GPR107: variants seen among roughly 807,000 people sequenced by gnomAD.
GPR107 encodes the protein protein GPR107.
Under a neutral mutation model 75.5 loss-of-function variants are expected in GPR107, and 31 were observed. That is an observed-to-expected ratio of 0.41 (90% confidence interval 0.31 to 0.55). The LOEUF (loss-of-function observed/expected upper bound fraction) is 0.55, where lower values mean the gene tolerates loss of function less well. Among genes scored for constraint, GPR107 ranks in the 20% least tolerant of loss-of-function variants. GPR107 has a pLI of 0.26. For missense variants in GPR107, 572 were observed against 665.7 expected (o/e 0.86, Z 1.55); for synonymous variants, 267 against 251.3 (o/e 1.06, Z -0.59).
Position 130,104,481 on chromosome 9 carries a change from G to A in GPR107, c.1193G>A (p.Gly398Asp). Residue 398 changes from glycine (G) to aspartate (D), a missense_variant, in exon 13 of 18, where the codon GGC (glycine) becomes GAC (aspartate). Gly to Asp is a moderately conservative substitution (Grantham distance 94). Transcript: ENST00000347136. Reference sequence around the variant, plus strand: ...ACCGAGGAGGGCACGACTGAATATGGCTTGTGGAAGGACTCTCTATTTCTG... The same window carrying A: ...ACCGAGGAGGGCACGACTGAATATGACTTGTGGAAGGACTCTCTATTTCTG... ...ESTEEGTTEY[G>D]LWKDSLFLVD... 1 of 1,612,942 alleles carries A rather than the reference G, an allele frequency of 6.2e-7. No individual in the cohort carries two copies.
intron 1 of GPR107, among the ~76,000 whole-genome samples, chr9:130,059,116 A>G (rs1030722622): frequency 6.6e-6 from 1 of 152,204 alleles, no homozygotes; most frequent in African/African-American, 2.4e-5. Flanking sequence ...TGGCTCTACC[A>G]TTTTACATCC....
intron 1 of GPR107, among the ~76,000 whole-genome samples, chr9:130,057,924 G>A (rs750215847): frequency 6.6e-6 from 1 of 151,170 alleles, no homozygotes; most frequent in South Asian, 2.1e-4. Flanking sequence ...TCCGCCTCCC[G>A]GTTCAAGCGA....
At chr9:130,083,465 T>G in intron 5 of GPR107, 100 bp from the exon 6 acceptor site, 1 of 608,952 alleles carries the variant, frequency 1.6e-6, no homozygotes, top group Non-Finnish European at 2.7e-6. Context: ...AATTATTTGA[T>G]ATTAGACAAG....
At chr9:130,114,431 G>C (rs1831376223) in intron 14 of GPR107, 1 of 178,802 alleles carries the variant, frequency 5.6e-6, no homozygotes, top group Non-Finnish European at 1.2e-5. Flanking sequence ...CACGCAGGCT[G>C]GAGTGCAGTG....
Position 130,076,407 on chromosome 9 carries a change from A to G in GPR107, c.256-5A>G, listed in dbSNP as rs560681921. On this transcript the variant is annotated splice_polypyrimidine_tract_variant and splice_region_variant and intron_variant, in intron 2 of 17. Coordinates refer to ENST00000347136, the MANE Select transcript of GPR107 (RefSeq NM_020960.5). ...TTTACTTCTACTGTTTTTACTCCCCATTAGATTGGATTTAGCCTAGACCGT... is the reference window on the plus strand; with the variant it reads ...TTTACTTCTACTGTTTTTACTCCCCGTTAGATTGGATTTAGCCTAGACCGT... 2.4e-5 allele frequency: 36 copies of G among 1,531,336 alleles called. No homozygotes were observed. In the African/African-American group the frequency reaches 3.3e-4, roughly 14 times the overall value. 94.9% of individuals were successfully genotyped at this position (1,531,336 alleles called of 1,614,324 possible). A position where few individuals can be genotyped will look rare whatever the true frequency, so the allele number is the denominator to read the frequency against.
rs1222956842 is a variant in GPR107 at position 130,136,340 on chromosome 9, A to G, written c.*1219A>G. Reference sequence around the variant, plus strand: ...AGCAGTATTGCAACTCAGAGAGAAAATCATCTGAATAGTAGGACAAGCTCA... The same window carrying G: ...AGCAGTATTGCAACTCAGAGAGAAAGTCATCTGAATAGTAGGACAAGCTCA... On this transcript the variant is annotated 3_prime_UTR_variant, in exon 18 of 18. Coordinates refer to ENST00000347136, the MANE Select transcript of GPR107 (RefSeq NM_020960.5). 3.3e-5 allele frequency: 5 copies of G among 152,206 alleles called. No individual in the cohort carries two copies. The highest frequency in any genetic ancestry group is 4.4e-5 in the Non-Finnish European group (3 of 68,036). 9.4% of individuals were successfully genotyped at this position (152,206 alleles called of 1,614,324 possible). A position where few individuals can be genotyped will look rare whatever the true frequency, so the allele number is the denominator to read the frequency against.
At chr9:130,097,144 T>A (rs1320349936) in intron 9 of GPR107, among the ~76,000 whole-genome samples, 1 of 51,238 alleles carries the variant, frequency 2.0e-5, no homozygotes, top group African/African-American at 5.3e-5. Flanking sequence ...TTCTTTACTT[T>A]TCTTTTTTTT....
chr9:130,077,289 C>T lies in GPR107; in HGVS notation c.307-10C>T. On this transcript the variant is annotated splice_polypyrimidine_tract_variant and intron_variant, in intron 3 of 17. Transcript: ENST00000347136. ...ATAAGATGATGTACAATTGGCTCTT[C>T]CTTTCTCAGGATGAAGATGTGAATT... The T allele has an allele frequency of 6.9e-7, 1 of 1,453,466 alleles. No homozygotes were observed. Among genetic ancestry groups the T allele is most frequent in the Non-Finnish European group, 9.7e-7 (1 of 1,033,406 alleles). 90.0% of individuals were successfully genotyped at this position (1,453,466 alleles called of 1,614,324 possible).
At chr9:130,108,442 C>T (rs1162592935) in intron 14 of GPR107, among the ~76,000 whole-genome samples, 1 of 152,192 alleles carries the variant, frequency 6.6e-6, no homozygotes, top group Non-Finnish European at 1.5e-5. Context: ...ACTAATAACG[C>T]ATTATTTCTT....
intron 4 of GPR107, 69 bp from the exon 5 acceptor site, chr9:130,079,561 A>G (rs2132567379): frequency 7.6e-7 from 1 of 1,323,250 alleles, no homozygotes; most frequent in South Asian, 1.3e-5. Flanking sequence ...CACAGGGCCT[A>G]CACGCAGCGT....
chr9:130,104,771 T>C (rs1831122935), intron 13 of GPR107, among the ~76,000 whole-genome samples: 1 of 152,238 alleles, frequency 6.6e-6, no homozygotes, highest in Non-Finnish European at 1.5e-5. Context: ...CACCATGAGC[T>C]GGCATTTAAC....
chr9:130,135,067 G>A lies in GPR107; in HGVS notation c.1605G>A (p.Lys535=). 1 of 1,612,032 alleles carries A rather than the reference G, an allele frequency of 6.2e-7. No homozygotes were observed. Among genetic ancestry groups the A allele is most frequent in the Non-Finnish European group, 8.5e-7 (1 of 1,178,574 alleles). The change falls in exon 18 of 18, where the codon AAG becomes AAA. Residue 535 remains lysine, a synonymous_variant. Coordinates refer to ENST00000347136, the MANE Select transcript of GPR107 (RefSeq NM_020960.5). ...SGVMESMKKV[K]KVTNGSVEPQ... The stretch of plus-strand genomic sequence containing the variant: ...TGATGGAAAGTATGAAGAAAGTCAA[G>A]AAGGTGACCAACGGCTCCGTGGAGC...
chr9:130,092,761 G>C (rs951519419), intron 9 of GPR107, among the ~76,000 whole-genome samples: 1 of 151,920 alleles, frequency 6.6e-6, no homozygotes, highest in East Asian at 1.9e-4. Flanking sequence ...GACTACAGGC[G>C]CCCGCCACCA....
chr9:130,119,143 A>G (rs1831493203), intron 14 of GPR107, among the ~76,000 whole-genome samples: 1 of 152,194 alleles, frequency 6.6e-6, no homozygotes, highest in Non-Finnish European at 1.5e-5. Context: ...GTGGGACCCC[A>G]GGCTGCGACC....
At chr9:130,076,961 C>T (rs569401328) in intron 3 of GPR107, among the ~76,000 whole-genome samples, 3 of 150,920 alleles carry the variant, frequency 2.0e-5, no homozygotes, top group African/African-American at 4.9e-5. Context: ...GATCTTGGCT[C>T]ACTGCAACCT....
chr9:130,074,689 T>A (rs1033818192), intron 1 of GPR107, among the ~76,000 whole-genome samples: 1 of 152,134 alleles, frequency 6.6e-6, no homozygotes, highest in Non-Finnish European at 1.5e-5. Context: ...ATTCCTGGGA[T>A]TCCTCTTGCA....
intron 14 of GPR107, among the ~76,000 whole-genome samples, chr9:130,124,054 G>C (rs979655706): frequency 2.6e-5 from 4 of 152,136 alleles, no homozygotes; most frequent in African/African-American, 7.2e-5. Flanking sequence ...TAGGATTACA[G>C]GAATTTCTTT....
chr9:130,131,788 C>T (rs541241771), intron 17 of GPR107, among the ~76,000 whole-genome samples: 149 of 152,212 alleles, frequency 9.8e-4, no homozygotes, highest in African/African-American at 3.5e-3. Context: ...TTACTTTGTG[C>T]CTCTCACCCC....
intron 5 of GPR107, among the ~76,000 whole-genome samples, chr9:130,080,653 G>T (rs1250839258): frequency 1.3e-5 from 2 of 151,320 alleles, no homozygotes; most frequent in African/African-American, 2.4e-5. Flanking sequence ...CACCATGCCC[G>T]GCTAATTTTT....
Sources: gnomAD v4.1 joint callset for allele counts (sites outside exome capture counted in the v4.1 genomes callset) on GRCh38, gnomAD v4.1.1 for gene constraint, MANE v1.5 for transcripts, NCBI Gene and HGNC (gene_info 2026-07-23, HGNC 2026-07-21) for gene names.